NR6A1: variants seen among roughly 807,000 people sequenced by gnomAD.
The protein encoded by NR6A1 is nuclear receptor subfamily 6 group A member 1, also known as retinoic acid receptor-related testis-associated receptor.
Under a neutral mutation model 59.1 loss-of-function variants are expected in NR6A1, and 7 were observed. The ratio of observed to expected loss-of-function variants is 0.12; its 90% CI spans 0.07 to 0.22. NR6A1 has a LOEUF of 0.22. Among genes scored for constraint, NR6A1 ranks in the 10% least tolerant of loss-of-function variants. The probability of loss-of-function intolerance (pLI) is 1.00; values close to 1 mark genes in which losing one functional copy is unlikely to be tolerated. For synonymous variants in NR6A1, 243 were observed against 236.1 expected (o/e 1.03, Z -0.27); for missense variants, 468 against 611.6 (o/e 0.77, Z 2.48).
At chr9:124,588,566 C>T (rs2131481668) in intron 2 of NR6A1, among the ~76,000 whole-genome samples, 1 of 150,454 alleles carries the variant, frequency 6.6e-6, no homozygotes, top group South Asian at 2.1e-4. Flanking sequence ...CTTCGGCCTC[C>T]CAAGTGCTGG....
chr9:124,693,580 G>A (rs1838638172), intron 2 of NR6A1: 1 of 397,282 alleles, frequency 2.5e-6, no homozygotes, highest in African/African-American at 2.1e-5. Context: ...CACCTGTGTG[G>A]GCCCTCAATC....
intron 2 of NR6A1, among the ~76,000 whole-genome samples, chr9:124,581,807 G>A (rs1386445666): frequency 1.3e-5 from 2 of 151,864 alleles, no homozygotes; most frequent in Admixed American, 6.6e-5. Flanking sequence ...TTTATGAGCC[G>A]ACAAACATGA....
At chr9:124,627,907 T>TC (rs1479810591) in intron 2 of NR6A1, among the ~76,000 whole-genome samples, 1 of 141,346 alleles carries the variant, frequency 7.1e-6, no homozygotes, top group Non-Finnish European at 1.5e-5. Flanking sequence ...TTTTTTTTTT[T>TC]TTTCAAAACA....
chr9:124,549,903 C>T (rs1304236203), intron 3 of NR6A1, among the ~76,000 whole-genome samples: 1 of 152,240 alleles, frequency 6.6e-6, no homozygotes, highest in African/African-American at 2.4e-5. Flanking sequence ...TTCCAGAACA[C>T]AATCCAGGGG....
intron 3 of NR6A1, 120 bp downstream of exon 3, chr9:124,554,208 A>G: frequency 6.8e-7 from 1 of 1,461,576 alleles, no homozygotes; most frequent in Non-Finnish European, 9.3e-7. Context: ...TTTGGTTATG[A>G]GTACAAACTA....
At chr9:124,554,606 T>C (rs373245184) in intron 2 of NR6A1, 36 bp from the exon 3 acceptor site, 5 of 1,613,240 alleles carry the variant, frequency 3.1e-6, no homozygotes, top group African/African-American at 1.3e-5. Context: ...GTGGAAATAA[T>C]GGCTTTAAGC....
At chr9:124,616,743 G>GT (rs1460658043) in intron 2 of NR6A1, among the ~76,000 whole-genome samples, 2 of 152,120 alleles carry the variant, frequency 1.3e-5, no homozygotes, top group African/African-American at 4.8e-5. Context: ...ATTAGAATGA[G>GT]TAACAGTGAA....
intron 2 of NR6A1, among the ~76,000 whole-genome samples, chr9:124,604,648 A>C (rs1835529561): frequency 6.6e-6 from 1 of 151,944 alleles, no homozygotes. Context: ...GTTTCTACCA[A>C]AAATACAAAA....
intron 2 of NR6A1, chr9:124,599,338 G>C: frequency 2.8e-6 from 1 of 360,586 alleles, no homozygotes; most frequent in Admixed American, 4.0e-5. Flanking sequence ...AGAACCGCTT[G>C]AACCCGGGAG....
intron 2 of NR6A1, among the ~76,000 whole-genome samples, chr9:124,655,166 A>G (rs1284515558): frequency 1.3e-5 from 2 of 152,186 alleles, no homozygotes; most frequent in Admixed American, 1.3e-4. Context: ...CTAATGCCCA[A>G]TGAAAGAGTA....
At chr9:124,610,884 T>A (rs957210483) in intron 2 of NR6A1, among the ~76,000 whole-genome samples, 1 of 152,172 alleles carries the variant, frequency 6.6e-6, no homozygotes. Flanking sequence ...TTTACTTGCA[T>A]AGAGGTGTTT....
chr9:124,603,633 G>A (rs1387869126), intron 2 of NR6A1, among the ~76,000 whole-genome samples: 3 of 152,068 alleles, frequency 2.0e-5, no homozygotes, highest in East Asian at 1.9e-4. Flanking sequence ...ATATGTATCC[G>A]TCACTGGATT....
intron 2 of NR6A1, among the ~76,000 whole-genome samples, chr9:124,636,026 G>A (rs560054187): frequency 6.6e-6 from 1 of 152,322 alleles, no homozygotes; most frequent in African/African-American, 2.4e-5. Context: ...GTTGTCGTCA[G>A]TATTCTGAAT....
intron 2 of NR6A1, among the ~76,000 whole-genome samples, chr9:124,557,327 G>T (rs1418349467): frequency 2.0e-5 from 3 of 152,042 alleles, no homozygotes; most frequent in Non-Finnish European, 4.4e-5. Flanking sequence ...TAGAGATGGG[G>T]TTTCACCATG....
chr9:124,756,435 T>C (rs1043547652), intron 1 of NR6A1, among the ~76,000 whole-genome samples: 4 of 152,238 alleles, frequency 2.6e-5, no homozygotes, highest in Admixed American at 2.0e-4. Flanking sequence ...TCAATCAACA[T>C]AAACTTTAAC....
In NR6A1 at chr9:124,540,129, T is replaced by C. The variant is rs771585653; in HGVS notation, c.500A>G (p.Asn167Ser). ...MSGQEFEEEA[N>S]HWSNHGDSDH... Reference sequence around the variant, plus strand: ...ACTATCACCATGGTTGCTCCAGTGATTGGCCTCTTCCTCAAACTCCTGCCC... The same window carrying C: ...ACTATCACCATGGTTGCTCCAGTGACTGGCCTCTTCCTCAAACTCCTGCCC... Residue 167 changes from asparagine (N) to serine (S), a missense_variant, in exon 5 of 10, where the codon AAT becomes AGT. By Grantham distance (46) the Asn-to-Ser change is conservative. Around this residue, in one of 4 missense-constraint regions of NR6A1, gnomAD observed 151 missense variants for 142.8 expected, o/e 1.06. Coordinates refer to ENST00000487099, the MANE Select transcript of NR6A1 (RefSeq NM_033334.4). 6 of 1,613,990 alleles carry C rather than the reference T, an allele frequency of 3.7e-6. No individual in the cohort carries two copies. In the East Asian group the frequency reaches 8.9e-5, roughly 24 times the overall value.
intron 2 of NR6A1, among the ~76,000 whole-genome samples, chr9:124,612,793 TTTTCTTTCTTTC>T (rs72252917): frequency 1.7e-4 from 25 of 145,578 alleles, no homozygotes; most frequent in African/African-American, 5.4e-4. Context: ...TCTTTCTTTC[TTTTCTTTCTTTC>T]TTTCTTTCTT....
intron 2 of NR6A1, chr9:124,599,586 CGCGGCG>C: frequency 1.8e-6 from 2 of 1,141,912 alleles, no homozygotes; most frequent in South Asian, 1.5e-5. Flanking sequence ...GCCATGAGGG[CGCGGCG>C]GCGGCGGCCG....
In NR6A1 at chr9:124,517,324, C is replaced by T. The variant is rs1832708133; in HGVS notation, c.*5381G>A. 1 of 152,318 alleles carries T rather than the reference C, an allele frequency of 6.6e-6. No individual in the cohort carries two copies. Among genetic ancestry groups the T allele is most frequent in the South Asian group, 2.1e-4 (1 of 4,832 alleles). 9.4% of individuals were successfully genotyped at this position (152,318 alleles called of 1,614,324 possible). On this transcript the variant is annotated 3_prime_UTR_variant, in exon 10 of 10. Coordinates refer to ENST00000487099, the MANE Select transcript of NR6A1 (RefSeq NM_033334.4). The stretch of plus-strand genomic sequence containing the variant: ...ATTGGTTCAAATACAGTACCTAACA[C>T]TTGCTAAACATGCATTTCACACTAA...
Sources: gnomAD v4.1 joint callset for allele counts (sites outside exome capture counted in the v4.1 genomes callset) on GRCh38, gnomAD v4.1.1 for gene constraint, gnomAD v4.1.1 regional missense constraint, MANE v1.5 for transcripts, NCBI Gene and HGNC (gene_info 2026-07-23, HGNC 2026-07-21) for gene names.